Variants in SCN1A observed in about 807,000 individuals in gnomAD.
SCN1A encodes the protein sodium voltage-gated channel alpha subunit 1, also known as sodium channel protein type 1 subunit alpha.
Under a neutral mutation model 193.7 loss-of-function variants are expected in SCN1A, and 13 were observed. That is an observed-to-expected ratio of 0.07 (90% confidence interval 0.04 to 0.11). SCN1A has a LOEUF of 0.11. Among genes scored for constraint, SCN1A ranks in the 10% least tolerant of loss-of-function variants. The pLI is 1.00. For missense variants in SCN1A, 1,432 were observed against 2,451.1 expected (o/e 0.58, Z 8.78); for synonymous variants, 781 against 843.6 (o/e 0.93, Z 1.29).
intron 4 of SCN1A, among the ~76,000 whole-genome samples, chr2:166,066,254 A>G (rs1412443423): frequency 1.3e-5 from 2 of 152,202 alleles, no homozygotes; most frequent in African/African-American, 2.4e-5. Flanking sequence ...TTTCAGCCCT[A>G]TATCATCAGA....
chr2:166,039,370 C>A, intron 17 of SCN1A, 53 bp downstream of exon 17: 1 of 1,575,874 alleles, frequency 6.3e-7, no homozygotes, highest in East Asian at 2.2e-5. Context: ...TATGCAAGAA[C>A]CCTGATTGTT....
At chr2:166,101,809 T>A (rs1296064743) in intron 2 of SCN1A, among the ~76,000 whole-genome samples, 1 of 152,170 alleles carries the variant, frequency 6.6e-6, no homozygotes, top group Admixed American at 6.6e-5. Context: ...GATTAAGGCC[T>A]TGGCAAAGAT....
At chr2:166,068,392 G>T (rs956544060) in intron 4 of SCN1A, among the ~76,000 whole-genome samples, 1 of 152,180 alleles carries the variant, frequency 6.6e-6, no homozygotes. Flanking sequence ...AAGAAATAGT[G>T]CATAGGGAAG....
At chr2:166,039,619 C>A in intron 16 of SCN1A, 23 bp from the exon 17 acceptor site, 1 of 1,597,840 alleles carries the variant, frequency 6.3e-7, no homozygotes, top group South Asian at 1.1e-5. Flanking sequence ...CAAAATTAAT[C>A]TAATTCCACC....
At chr2:166,016,757 T>TGAA (rs1693362772) in intron 19 of SCN1A, 1 of 151,930 alleles carries the variant, frequency 6.6e-6, no homozygotes, top group Admixed American at 6.6e-5. Flanking sequence ...TTGTCCTTAT[T>TGAA]GGAGTATCAA....
intron 1 of SCN1A, among the ~76,000 whole-genome samples, chr2:166,147,117 G>A (rs1458760998): frequency 2.0e-5 from 3 of 152,098 alleles, no homozygotes; most frequent in Non-Finnish European, 4.4e-5. Flanking sequence ...AGTCTGTCAT[G>A]AGGCCCGAAA....
At chr2:166,145,142 ATTTTTTTTTTT>A (rs10527781) in intron 1 of SCN1A, among the ~76,000 whole-genome samples, 8 of 129,026 alleles carry the variant, frequency 6.2e-5, no homozygotes, top group South Asian at 2.6e-4. Flanking sequence ...GGCCTAAGTA[ATTTTTTTTTTT>A]TTTTTTTTTT....
intron 4 of SCN1A, among the ~76,000 whole-genome samples, chr2:166,070,813 G>T (rs946200958): frequency 1.3e-5 from 2 of 152,106 alleles, no homozygotes; most frequent in African/African-American, 4.8e-5. Flanking sequence ...GATGAAGAAT[G>T]TCTACCTTTG....
upstream of SCN1A, among the ~76,000 whole-genome samples, chr2:166,129,051 A>G (rs1179167667): frequency 6.6e-6 from 1 of 152,140 alleles, no homozygotes; most frequent in Non-Finnish European, 1.5e-5. Context: ...CAATCATTGC[A>G]TGTGTTTTAT....
At chr2:166,046,262 G>A (rs1419792470) in intron 12 of SCN1A, among the ~76,000 whole-genome samples, 1 of 152,106 alleles carries the variant, frequency 6.6e-6, no homozygotes. Flanking sequence ...TGTAAGATTG[G>A]TAACATTCAT....
At chr2:166,034,906 T>A (rs1358245650) in intron 19 of SCN1A, among the ~76,000 whole-genome samples, 2 of 151,946 alleles carry the variant, frequency 1.3e-5, no homozygotes, top group African/African-American at 2.4e-5. Flanking sequence ...ACCCAAGGAG[T>A]GAGCCCTCAC....
intron 4 of SCN1A, among the ~76,000 whole-genome samples, chr2:166,066,113 A>C (rs1351009606): frequency 6.6e-6 from 1 of 152,220 alleles, no homozygotes; most frequent in East Asian, 1.9e-4. Context: ...AACTCTGCAG[A>C]AGGTGCCTCC....
rs1441743641 is a variant in SCN1A, at chr2:165,992,112, T to G, written c.5163A>C (p.Thr1721=). ...GCAATCCATCCCAGCCAGCAGAGGT[T>G]GTAATTTGGAATAGGCAGATCATGC... The part of the protein sequence containing the change: ...GNSMICLFQI[T]TSAGWDGLLA... Residue 1721 remains threonine (T), a synonymous_variant, in exon 29 of 29, where the codon ACA becomes ACC. Coordinates refer to ENST00000674923, the MANE Select transcript of SCN1A (RefSeq NM_001165963.4). The surrounding 1 kb of genome is among the most constrained non-coding windows in gnomAD (Gnocchi z 6.5). 2 of 1,613,902 alleles carry G rather than the reference T, an allele frequency of 1.2e-6. No individual in the cohort carries two copies. The highest frequency in any genetic ancestry group is 2.2e-5 in the East Asian group (1 of 44,834).
At chr2:166,057,294 C>T (rs1014498708) in intron 5 of SCN1A, among the ~76,000 whole-genome samples, 4 of 151,692 alleles carry the variant, frequency 2.6e-5, no homozygotes, top group Non-Finnish European at 5.9e-5. Flanking sequence ...AGTCACGGTA[C>T]GTAAGTAAAT....
chr2:166,001,581 T>C (rs1014339077), intron 24 of SCN1A, among the ~76,000 whole-genome samples: 2 of 147,710 alleles, frequency 1.4e-5, no homozygotes, highest in South Asian at 2.1e-4. Flanking sequence ...TTGTACAGTC[T>C]TTTTTTTTTA....
intron 3 of SCN1A, among the ~76,000 whole-genome samples, chr2:166,074,361 T>A (rs983233142): frequency 1.5e-4 from 23 of 152,040 alleles, no homozygotes; most frequent in Non-Finnish European, 4.4e-5. Flanking sequence ...AATTGCTAGA[T>A]GGAGGTGGGG....
chr2:166,014,541 A>G (rs1174044332), intron 20 of SCN1A, among the ~76,000 whole-genome samples: 2 of 150,214 alleles, frequency 1.3e-5, no homozygotes, highest in African/African-American at 4.9e-5. Flanking sequence ...ACAAAAAGGC[A>G]CCGAACATGT....
At chr2:166,133,275 A>G (rs1190051236) in intron 1 of SCN1A, among the ~76,000 whole-genome samples, 1 of 152,122 alleles carries the variant, frequency 6.6e-6, no homozygotes, top group Admixed American at 6.6e-5. Context: ...TCTGCAGGTG[A>G]TTATTTCAGG....
At chr2:166,142,881 A>T (rs1353067468) in intron 1 of SCN1A, among the ~76,000 whole-genome samples, 5 of 152,168 alleles carry the variant, frequency 3.3e-5, no homozygotes, top group Non-Finnish European at 7.4e-5. Flanking sequence ...TATAAATGGG[A>T]GTTCTCCTGC....
Sources: allele counts gnomAD v4.1 joint callset (sites outside exome capture counted in the v4.1 genomes callset), GRCh38; gene constraint gnomAD v4.1.1; non-coding constraint Gnocchi (gnomAD v3.1); transcripts MANE v1.5; gene names NCBI Gene and HGNC (gene_info 2026-07-23, HGNC 2026-07-21).